GSDMC: variants seen among roughly 807,000 people sequenced by gnomAD.
GSDMC encodes the protein gasdermin C.
Under a neutral mutation model 58.0 loss-of-function variants are expected in GSDMC, and 59 were observed. The ratio of observed to expected loss-of-function variants is 1.02; its 90% CI spans 0.82 to 1.26. The LOEUF (loss-of-function observed/expected upper bound fraction) is 1.26, where lower values mean the gene tolerates loss of function less well. GSDMC is among the 50% of genes most tolerant of loss of function. GSDMC has a pLI of 0.00. For synonymous variants in GSDMC, 241 were observed against 220.2 expected (o/e 1.09, Z -0.83); for missense variants, 659 against 598.5 (o/e 1.10, Z -1.06).
At chr8:129,719,923 C>A in the GSDMC span, among the ~76,000 whole-genome samples, 1 of 152,082 alleles carries the variant, frequency 6.6e-6, no homozygotes, top group Non-Finnish European at 1.5e-5. Context: ...CCAGCCTGGG[C>A]AACAGAGCAA....
At chr8:129,721,471 G>C in the GSDMC span, among the ~76,000 whole-genome samples, 1 of 152,042 alleles carries the variant, frequency 6.6e-6, no homozygotes, top group Non-Finnish European at 1.5e-5. Context: ...CTTCTCAAAA[G>C]CATCCTCAAT....
chr8:129,759,833 C>T (rs2033587127), intron 6 of GSDMC, among the ~76,000 whole-genome samples: 1 of 152,242 alleles, frequency 6.6e-6, no homozygotes, highest in South Asian at 2.1e-4. Context: ...ACTAGAGTTA[C>T]CATATGATCC....
chr8:129,732,678 C>T, the GSDMC span, among the ~76,000 whole-genome samples: 7 of 152,196 alleles, frequency 4.6e-5, no homozygotes, highest in Admixed American at 4.6e-4. Flanking sequence ...AAAGAAACTT[C>T]TAAAGGATTC....
At chr8:129,713,535 G>A in the GSDMC span, among the ~76,000 whole-genome samples, 1 of 152,180 alleles carries the variant, frequency 6.6e-6, no homozygotes, top group African/African-American at 2.4e-5. Context: ...TGCTGTCACT[G>A]AGGAGCCTTG....
intron 3 of GSDMC, among the ~76,000 whole-genome samples, chr8:129,772,429 G>GT: frequency 6.6e-6 from 1 of 152,036 alleles, no homozygotes; most frequent in South Asian, 2.1e-4. Flanking sequence ...TAAAATTATA[G>GT]TTAAAAGGAG....
the GSDMC span, among the ~76,000 whole-genome samples, chr8:129,713,011 C>T: frequency 2.0e-4 from 31 of 152,296 alleles, no homozygotes; most frequent in African/African-American, 3.8e-4. Flanking sequence ...CTCTGGTAAA[C>T]GGTTGGATCA....
chr8:129,750,484 T>G lies in GSDMC; in HGVS notation c.1030A>C (p.Ser344Arg). The change falls in exon 11 of 14, where the codon AGT (serine) becomes CGT (arginine). Residue 344 changes from serine (S) to arginine (R), a missense_variant. Physicochemically the swap from Ser to Arg is moderately radical, Grantham distance 110. Transcript: ENST00000276708. The stretch of plus-strand genomic sequence containing the variant: ...CTGTCTCTGAGCATGGCCAGGATAC[T>G]GTAGAACATGACATCCTGAACATCC... ...SKDVQDVMFY[S>R]ILAMLRDRGA... is the part of the protein sequence containing the mutation. 6.2e-7 allele frequency: 1 copy of G among 1,613,862 alleles called. No individual in the cohort carries two copies. Among genetic ancestry groups the G allele is most frequent in the Non-Finnish European group, 8.5e-7 (1 of 1,179,708 alleles).
In GSDMC at chr8:129,748,781, G is replaced by T. The variant is rs188881042; in HGVS notation, c.1288-41C>A. 40 of 1,466,312 alleles carry T rather than the reference G, an allele frequency of 2.7e-5. No homozygotes were observed. The Admixed American group carries it at 1.0e-3, about 38-fold the overall frequency. The allele number at this position is 1,466,312 out of a possible 1,614,324, so 90.8% of individuals were successfully genotyped here. On this transcript the variant is annotated intron_variant, in intron 13 of 13. Transcript: ENST00000276708. The stretch of plus-strand genomic sequence containing the variant: ...TCAGGTTCTACAGACCAGCCTTTAA[G>T]ATGAGGAAGAGAAGGCTTCTGCCCC...
intron 4 of GSDMC, among the ~76,000 whole-genome samples, 191 bp from the exon 5 acceptor site, chr8:129,762,922 A>G (rs186425118): frequency 4.6e-5 from 7 of 151,970 alleles, no homozygotes; most frequent in Non-Finnish European, 1.5e-5. Context: ...TTTCAATTTC[A>G]TGTTGATATT....
chr8:129,751,723 G>T, intron 9 of GSDMC, 139 bp downstream of exon 9: 4 of 1,135,280 alleles, frequency 3.5e-6, no homozygotes, highest in Non-Finnish European at 5.3e-6. Flanking sequence ...TCAGCTTTCT[G>T]GACCCTTCCC....
At chr8:129,712,318 C>A in the GSDMC span, among the ~76,000 whole-genome samples, 2 of 152,094 alleles carry the variant, frequency 1.3e-5, no homozygotes, top group Admixed American at 6.5e-5. Flanking sequence ...ATGATACAGA[C>A]CGATGGATGG....
chr8:129,774,885 C>T (rs887320844), intron 3 of GSDMC, among the ~76,000 whole-genome samples: 8 of 152,082 alleles, frequency 5.3e-5, no homozygotes, highest in African/African-American at 7.2e-5. Context: ...GACATAATTT[C>T]GCATCTGTTT....
chr8:129,777,034 C>T lies in GSDMC; in HGVS notation c.220+334G>A, dbSNP rs58224629. Among the ~76,000 whole-genome samples, 684 of 152,066 alleles carry T rather than the reference C, an allele frequency of 4.5e-3. 10 individuals are homozygous for T. The highest frequency in any genetic ancestry group is 0.016 in the African/African-American group (650 of 41,466). On this transcript the variant is annotated intron_variant, in intron 2 of 13. Coordinates refer to ENST00000276708, the MANE Select transcript of GSDMC (RefSeq NM_031415.3). ...ATCTGCCCGCCTCGGTCTCCCAAAG[C>T]ACTGGGATTATAGGCATGAGCCACA... is the stretch of plus-strand genomic sequence containing the variant.
At chr8:129,777,667 C>T in intron 1 of GSDMC, 76 bp from the exon 2 acceptor site, 1 of 783,104 alleles carries the variant, frequency 1.3e-6, no homozygotes, top group Non-Finnish European at 2.2e-6. Flanking sequence ...ATTGATATTT[C>T]CCCTAAAGGA....
At chr8:129,721,223 C>T in the GSDMC span, among the ~76,000 whole-genome samples, 1 of 152,168 alleles carries the variant, frequency 6.6e-6, no homozygotes, top group Admixed American at 6.5e-5. Context: ...AATGGTCTCT[C>T]TGCATTGACT....
At position 129,754,303 on chromosome 8, in the gene GSDMC, G is replaced by C. The variant is rs1586581530; in HGVS notation, c.722-1483C>G. 6.6e-5 allele frequency among the ~76,000 whole-genome samples: 10 copies of C among 151,982 alleles called. No homozygotes were observed. The South Asian group carries it at 2.1e-3, about 32-fold the overall frequency. ...CCAATTTCAGGTGGCTCAGTACAGA[G>C]AGAGAGACCCCATTTGTTTGGGAGA... On this transcript the variant is annotated intron_variant, in intron 6 of 13. Coordinates refer to ENST00000276708, the MANE Select transcript of GSDMC (RefSeq NM_031415.3).
At chr8:129,764,626 G>GT (rs1224299971) in intron 4 of GSDMC, among the ~76,000 whole-genome samples, 13 of 152,316 alleles carry the variant, frequency 8.5e-5, no homozygotes, top group Admixed American at 7.8e-4. Context: ...CTATGCAGAG[G>GT]TGGGAAGGGA....
intron 1 of GSDMC, among the ~76,000 whole-genome samples, chr8:129,785,545 A>G (rs1027255770): frequency 1.3e-5 from 2 of 151,706 alleles, no homozygotes; most frequent in Admixed American, 1.3e-4. Context: ...AAATAACTAA[A>G]ACAGTATAAT....
chr8:129,767,396 T>C (rs7834217), intron 3 of GSDMC, among the ~76,000 whole-genome samples: 99,693 of 151,772 alleles, frequency 0.66, 34,743 homozygotes, highest in African/African-American at 0.9. Context: ...CAGAGCCCAG[T>C]CCCAGGCCCC....
Sources: allele counts gnomAD v4.1 joint callset (sites outside exome capture counted in the v4.1 genomes callset), GRCh38; gene constraint gnomAD v4.1.1; transcripts MANE v1.5; gene names NCBI Gene and HGNC (gene_info 2026-07-23, HGNC 2026-07-21).